The following FNDC3B variants were observed in gnomAD, a reference collection of about 807,000 sequenced individuals.
FNDC3B encodes fibronectin type III domain containing 3B, also known as fibronectin type III domain-containing protein 3B.
Under a neutral mutation model 151.5 loss-of-function variants are expected in FNDC3B, and 12 were observed. The observed-to-expected ratio is 0.08, with a 90% confidence interval of 0.05 to 0.13. FNDC3B has a LOEUF of 0.13. Among genes scored for constraint, FNDC3B ranks in the 10% least tolerant of loss-of-function variants. The pLI, the probability that FNDC3B is intolerant of heterozygous loss-of-function variation, is 1.00. For synonymous variants in FNDC3B, 528 were observed against 549.0 expected (o/e 0.96, Z 0.54); for missense variants, 1,214 against 1,505.3 (o/e 0.81, Z 3.20).
chr3:172,250,312 G>A (rs1157515581), intron 5 of FNDC3B, among the ~76,000 whole-genome samples: 1 of 152,006 alleles, frequency 6.6e-6, no homozygotes, highest in East Asian at 1.9e-4. Flanking sequence ...ATTATGTTTG[G>A]CACCAGATTT....
At chr3:172,114,131 C>T (rs1299134566) in intron 2 of FNDC3B, among the ~76,000 whole-genome samples, 1 of 152,160 alleles carries the variant, frequency 6.6e-6, no homozygotes, top group Non-Finnish European at 1.5e-5. Context: ...GTTCTTACAC[C>T]TGGAGTGAAA....
chr3:172,094,660 G>A (rs934341134), intron 1 of FNDC3B, among the ~76,000 whole-genome samples: 35 of 152,072 alleles, frequency 2.3e-4, no homozygotes, highest in African/African-American at 7.2e-4. Context: ...CAAGCACCCC[G>A]CTTAATTCTG....
chr3:172,160,334 C>G (rs1027643522), intron 3 of FNDC3B, among the ~76,000 whole-genome samples: 9 of 152,154 alleles, frequency 5.9e-5, no homozygotes, highest in African/African-American at 2.2e-4. Flanking sequence ...TTGTGCCTCC[C>G]AGGGACTGAC....
chr3:172,281,767 A>G (rs1729736775), intron 6 of FNDC3B, among the ~76,000 whole-genome samples: 1 of 152,222 alleles, frequency 6.6e-6, no homozygotes, highest in Non-Finnish European at 1.5e-5. Flanking sequence ...AAAACCAGAC[A>G]GAGTTTTCAG....
chr3:172,193,345 C>CCTTCT (rs1307105219), intron 3 of FNDC3B, among the ~76,000 whole-genome samples: 2 of 91,044 alleles, frequency 2.2e-5, no homozygotes, highest in Non-Finnish European at 4.4e-5. Context: ...CCTTCCCTTC[C>CCTTCT]TTCCTCTAAC....
chr3:172,130,012 G>A (rs1720991345), intron 2 of FNDC3B, among the ~76,000 whole-genome samples: 1 of 151,952 alleles, frequency 6.6e-6, no homozygotes, highest in South Asian at 2.1e-4. Flanking sequence ...GGGAGGGGGA[G>A]AGAGAGAAAT....
At chr3:172,145,811 C>CTTTT (rs34361134) in intron 3 of FNDC3B, among the ~76,000 whole-genome samples, 26 of 114,110 alleles carry the variant, frequency 2.3e-4, no homozygotes, top group Non-Finnish European at 3.4e-4. Flanking sequence ...AGGTTTCTTT[C>CTTTT]TTTTTTTTTT....
intron 8 of FNDC3B, 86 bp downstream of exon 8, chr3:172,295,600 A>T (rs1730563654): frequency 5.3e-6 from 7 of 1,327,156 alleles, no homozygotes; most frequent in South Asian, 1.4e-5. Flanking sequence ...GGAAAACCTT[A>T]TAGGCTTGGC....
At chr3:172,189,798 CTAAAAAAAAA>C (rs143467899) in intron 3 of FNDC3B, among the ~76,000 whole-genome samples, 4 of 37,544 alleles carry the variant, frequency 1.1e-4, no homozygotes, top group South Asian at 2.7e-3. Flanking sequence ...GAGACCTTGT[CTAAAAAAAAA>C]AAAAAAAAAA....
rs1728493875 is a variant in FNDC3B, at chr3:172,258,682, G to A, written c.790+7141G>A. 2.6e-5 allele frequency among the ~76,000 whole-genome samples: 4 copies of A among 152,162 alleles called. No individual in the cohort carries two copies. In the South Asian group the frequency reaches 8.3e-4, roughly 32 times the overall value. On this transcript the variant is annotated intron_variant, in intron 6 of 25. Transcript: ENST00000415807. ...GCATAGCAGCATCCACCTGCGCAGG[G>A]CTGACAGTGGTTTCCTTTGTCTGGA...
At position 172,350,035 on chromosome 3, in the gene FNDC3B, TAGAC is replaced by T. The variant is rs1313956303; in HGVS notation, c.2514+2678_2514+2681del. ...CTCTTCGGAAAAGCAGAGTAGGAGA[TAGAC>T]AGAAATTTCTCTGTACTATTTTTGC... On this transcript the variant is annotated intron_variant, in intron 21 of 25. Coordinates refer to ENST00000415807, the MANE Select transcript of FNDC3B (RefSeq NM_022763.4). Among the ~76,000 whole-genome samples, 8 of 152,282 alleles carry T rather than the reference TAGAC, an allele frequency of 5.3e-5. No individual in the cohort carries two copies. In the East Asian group the frequency reaches 9.6e-4, roughly 18 times the overall value.
chr3:172,250,991 T>C (rs1421254041), intron 5 of FNDC3B, among the ~76,000 whole-genome samples: 1 of 152,122 alleles, frequency 6.6e-6, no homozygotes, highest in Non-Finnish European at 1.5e-5. Context: ...TAATTTTTTG[T>C]ATTTTTAGTA....
chr3:172,371,173 G>A (rs1028826219), intron 23 of FNDC3B, among the ~76,000 whole-genome samples: 21 of 151,084 alleles, frequency 1.4e-4, no homozygotes, highest in African/African-American at 4.6e-4. Flanking sequence ...AAATGGCATA[G>A]TATTTGCATA....
chr3:172,304,965 T>C (rs2108239659), intron 9 of FNDC3B, among the ~76,000 whole-genome samples: 1 of 152,280 alleles, frequency 6.6e-6, no homozygotes, highest in Non-Finnish European at 1.5e-5. Flanking sequence ...AAGTTTGGTT[T>C]TTAAAATGAG....
At chr3:172,072,139 C>T (rs1427238263) in intron 1 of FNDC3B, among the ~76,000 whole-genome samples, 1 of 147,466 alleles carries the variant, frequency 6.8e-6, no homozygotes, top group Admixed American at 6.9e-5. Flanking sequence ...GAAATACCCG[C>T]GTTATCTAGT....
At chr3:172,050,809 T>C (rs1297879738) in intron 1 of FNDC3B, among the ~76,000 whole-genome samples, 1 of 151,854 alleles carries the variant, frequency 6.6e-6, no homozygotes, top group African/African-American at 2.4e-5. Flanking sequence ...ATAAATGGCT[T>C]GATACAAATT....
chr3:172,329,199 C>G, intron 12 of FNDC3B, 123 bp downstream of exon 12: 1 of 1,166,372 alleles, frequency 8.6e-7, no homozygotes, highest in Non-Finnish European at 1.2e-6. Context: ...GGAGGTTTTC[C>G]AAGAGGGAAT....
At chr3:172,074,758 T>TA (rs2108490947) in intron 1 of FNDC3B, among the ~76,000 whole-genome samples, 1 of 152,340 alleles carries the variant, frequency 6.6e-6, no homozygotes, top group African/African-American at 2.4e-5. Context: ...CCTAGCCCGT[T>TA]AGTGGCCACA....
At chr3:172,176,534 A>G (rs1287222848) in intron 3 of FNDC3B, among the ~76,000 whole-genome samples, 1 of 152,186 alleles carries the variant, frequency 6.6e-6, no homozygotes, top group Non-Finnish European at 1.5e-5. Flanking sequence ...ACAACTGCAG[A>G]TTTCATGTAC....
Sources: allele counts gnomAD v4.1 joint callset (sites outside exome capture counted in the v4.1 genomes callset), GRCh38; gene constraint gnomAD v4.1.1; transcripts MANE v1.5; gene names NCBI Gene and HGNC (gene_info 2026-07-23, HGNC 2026-07-21).